Variants in TTLL5 observed in about 807,000 individuals in gnomAD.
The protein encoded by TTLL5 is tubulin tyrosine ligase like 5.
Under a neutral mutation model 168.4 loss-of-function variants are expected in TTLL5, and 132 were observed. That is an observed-to-expected ratio of 0.78 (90% confidence interval 0.68 to 0.91). The LOEUF is 0.91. Among genes scored for constraint, TTLL5 ranks in the 40% least tolerant of loss-of-function variants. TTLL5 has a pLI of 0.00. For missense variants in TTLL5, 1,545 were observed against 1,581.5 expected (o/e 0.98, Z 0.39); for synonymous variants, 546 against 558.6 (o/e 0.98, Z 0.32).
At chr14:75,674,497 T>C (rs530041312) in intron 3 of TTLL5, among the ~76,000 whole-genome samples, 74 of 152,356 alleles carry the variant, frequency 4.9e-4, no homozygotes, top group African/African-American at 1.7e-3. Flanking sequence ...ATGACATGTT[T>C]CATTGAATTC....
chr14:75,809,390 A>G (rs1351252735), intron 27 of TTLL5, among the ~76,000 whole-genome samples: 3 of 152,158 alleles, frequency 2.0e-5, no homozygotes, highest in Non-Finnish European at 4.4e-5. Flanking sequence ...TATTTCAGTG[A>G]TAGCCCCACA....
At chr14:75,730,236 T>G (rs1888444641) in intron 12 of TTLL5, among the ~76,000 whole-genome samples, 1 of 152,212 alleles carries the variant, frequency 6.6e-6, no homozygotes, top group South Asian at 2.1e-4. Flanking sequence ...AAATGCCTTA[T>G]TTAGTGCTAT....
chr14:75,699,323 C>T, intron 7 of TTLL5, 53 bp downstream of exon 7: 3 of 1,459,248 alleles, frequency 2.1e-6, no homozygotes, highest in South Asian at 1.1e-5. Flanking sequence ...TTTCCTCCTT[C>T]ACCCTTTGTA....
chr14:75,811,156 A>AGTGTGTGTGTGTGT (rs148883248), intron 27 of TTLL5, among the ~76,000 whole-genome samples: 3 of 116,532 alleles, frequency 2.6e-5, no homozygotes, highest in African/African-American at 1.0e-4. Flanking sequence ...TGAAAGAAAG[A>AGTGTGTGTGTGTGT]GTGTGTGTGT....
chr14:75,843,788 CTTTG>C, intron 28 of TTLL5, among the ~76,000 whole-genome samples: 1 of 151,860 alleles, frequency 6.6e-6, no homozygotes, highest in East Asian at 1.9e-4. Context: ...GAAGCATCTC[CTTTG>C]TTTGAAATGT....
intron 31 of TTLL5, among the ~76,000 whole-genome samples, chr14:75,932,216 A>G (rs1390528850): frequency 6.6e-6 from 1 of 152,184 alleles, no homozygotes; most frequent in African/African-American, 2.4e-5. Flanking sequence ...CTTTGTAATC[A>G]ACTTTTTTTC....
chr14:75,762,410 A>ATAAT (rs1234190650), intron 18 of TTLL5, among the ~76,000 whole-genome samples: 2 of 152,196 alleles, frequency 1.3e-5, no homozygotes, highest in Non-Finnish European at 2.9e-5. Flanking sequence ...AAATAAATAA[A>ATAAT]TAAATAGTTG....
chr14:75,883,050 C>T (rs2031902905), intron 30 of TTLL5, 148 bp downstream of exon 30: 6 of 899,392 alleles, frequency 6.7e-6, no homozygotes, highest in East Asian at 5.4e-5. Flanking sequence ...TAGTTCTCAG[C>T]GTGGGCTACA....
chr14:75,792,537 T>G (rs1466362611), intron 26 of TTLL5, among the ~76,000 whole-genome samples: 1 of 145,352 alleles, frequency 6.9e-6, no homozygotes, highest in East Asian at 2.0e-4. Flanking sequence ...CACAGACTGT[T>G]GACAAGTACA....
intron 17 of TTLL5, among the ~76,000 whole-genome samples, chr14:75,749,203 A>G (rs767639838): frequency 2.3e-4 from 35 of 152,152 alleles, no homozygotes; most frequent in Non-Finnish European, 4.6e-4. Context: ...TAGAAAGTGT[A>G]TCTTTTAATT....
At chr14:75,819,962 T>C (rs774727777) in intron 27 of TTLL5, 45 bp from the exon 28 acceptor site, 6 of 1,553,266 alleles carry the variant, frequency 3.9e-6, no homozygotes, top group Non-Finnish European at 5.2e-6. Context: ...TGATGCTTTT[T>C]AAAAACTCTG....
At chr14:75,859,061 G>T (rs896569663) in intron 28 of TTLL5, among the ~76,000 whole-genome samples, 10 of 152,214 alleles carry the variant, frequency 6.6e-5, no homozygotes, top group African/African-American at 2.4e-4. Context: ...CTTGTGTTTG[G>T]CTGGACTTGG....
At chr14:75,948,330 C>G (rs1208323446) in intron 31 of TTLL5, among the ~76,000 whole-genome samples, 3 of 151,866 alleles carry the variant, frequency 2.0e-5, no homozygotes, top group Non-Finnish European at 4.4e-5. Flanking sequence ...ACTAAAAATA[C>G]AAAAATTAGC....
At chr14:75,936,257 A>G (rs2034430960) in intron 31 of TTLL5, among the ~76,000 whole-genome samples, 1 of 152,154 alleles carries the variant, frequency 6.6e-6, no homozygotes, top group Non-Finnish European at 1.5e-5. Flanking sequence ...TAGAAAATAG[A>G]GAGTTCCAAG....
intron 31 of TTLL5, chr14:75,906,642 G>A (rs1649718451): frequency 1.0e-6 from 1 of 985,762 alleles, no homozygotes. Context: ...ATAGGACAGA[G>A]AAAATCAAAG....
intron 31 of TTLL5, among the ~76,000 whole-genome samples, chr14:75,919,177 G>A (rs999793529): frequency 8.9e-6 from 1 of 112,470 alleles, no homozygotes. Flanking sequence ...CTCCAGCCTG[G>A]CTCCAGAGCA....
At chr14:75,819,922 C>A in intron 27 of TTLL5, 85 bp from the exon 28 acceptor site, 1 of 1,454,904 alleles carries the variant, frequency 6.9e-7, no homozygotes, top group Admixed American at 2.2e-5. Context: ...ATCTGTTGGC[C>A]TTGACTTGAT....
chr14:75,906,690 A>G (rs1250430785), intron 31 of TTLL5: 1 of 985,872 alleles, frequency 1.0e-6, no homozygotes, highest in African/African-American at 1.7e-5. Flanking sequence ...AACGGTAAGA[A>G]TAAGAGCATA....
At chr14:75,771,702 A>C (rs1046087226) in intron 20 of TTLL5, 32 bp from the exon 21 acceptor site, 3 of 1,612,404 alleles carry the variant, frequency 1.9e-6, no homozygotes, top group Non-Finnish European at 2.5e-6. Context: ...CACTTCTGTC[A>C]CATAACGGTA....
Sources: allele counts gnomAD v4.1 joint callset (sites outside exome capture counted in the v4.1 genomes callset), GRCh38; gene constraint gnomAD v4.1.1; transcripts MANE v1.5; gene names NCBI Gene and HGNC (gene_info 2026-07-23, HGNC 2026-07-21).